Variants in FAAP100 observed in about 807,000 individuals in gnomAD.
FAAP100 encodes FA core complex associated protein 100, also known as Fanconi anemia core complex-associated protein 100.
Under a neutral mutation model 65.8 loss-of-function variants are expected in FAAP100, and 46 were observed. That is an observed-to-expected ratio of 0.70 (90% CI 0.55 to 0.89). FAAP100 has a LOEUF of 0.89. FAAP100 is among the 40% of genes least tolerant of loss of function. The probability of loss-of-function intolerance (pLI) is 0.00; values close to 1 mark genes in which losing one functional copy is unlikely to be tolerated. For synonymous variants in FAAP100, 663 were observed against 555.1 expected (o/e 1.19, Z -2.73); for missense variants, 1,165 against 1,196.7 (o/e 0.97, Z 0.39).
intron 7 of FAAP100, among the ~76,000 whole-genome samples, chr17:81,542,975 G>C (rs1457702687): frequency 6.6e-6 from 1 of 152,214 alleles, no homozygotes; most frequent in African/African-American, 2.4e-5. Context: ...CCAAGCCCAG[G>C]CAGCCCCATC....
At position 81,550,784 on chromosome 17, in the gene FAAP100, T is replaced by C. The variant is rs2033461997; in HGVS notation, c.710A>G (p.Gln237Arg). The C allele has an allele frequency of 4.3e-6, 7 of 1,612,742 alleles. No homozygotes were observed. The highest frequency in any genetic ancestry group is 5.9e-6 in the Non-Finnish European group (7 of 1,179,868). Residue 237 changes from glutamine (Q) to arginine (R), a missense_variant, in exon 3 of 9, where the codon CAG (glutamine) becomes CGG (arginine). Physicochemically the swap from Gln to Arg is conservative, Grantham distance 43 (BLOSUM62 1). Transcript: ENST00000327787. Reference sequence around the variant, plus strand: ...GAGACCACAGAGGACCACAGGTGACTGCAGGAGGGTGGCATCAGCTCCAAA... The same window carrying C: ...GAGACCACAGAGGACCACAGGTGACCGCAGGAGGGTGGCATCAGCTCCAAA... Reference protein sequence around the residue: ...LLFGADATLLQSPVVLCGLPD... With the variant: ...LLFGADATLLRSPVVLCGLPD...
chr17:81,551,937 C>A lies in FAAP100; in HGVS notation c.281G>T (p.Gly94Val). The stretch of plus-strand genomic sequence containing the variant: ...GCGGGCCCGCCCTCACCTGCTCCTG[C>A]CCGGGTGGTCCAGCGACAGGCAGTA... Reference protein sequence around the residue: ...GLYCLSLDHPGRSRSTSQDDR... With the variant: ...GLYCLSLDHPVRSRSTSQDDR... Residue 94 changes from glycine to valine, a missense_variant, in exon 2 of 9, where the codon GGC becomes GTC. Physicochemically the swap from Gly to Val is moderately radical, Grantham distance 109 (BLOSUM62 -3). Transcript: ENST00000327787. 1 of 1,557,252 alleles carries A rather than the reference C, an allele frequency of 6.4e-7. No individual in the cohort carries two copies. Among genetic ancestry groups the A allele is most frequent in the African/African-American group, 1.4e-5 (1 of 71,950 alleles).
chr17:81,551,845 C>T (rs931187466), intron 2 of FAAP100, 83 bp downstream of exon 2: 4 of 1,407,830 alleles, frequency 2.8e-6, no homozygotes, highest in Non-Finnish European at 2.8e-6. Context: ...GGTCCCCAAG[C>T]GCGATGAGGT....
In FAAP100 at chr17:81,544,538, C is replaced by G. The variant is rs1191966628; in HGVS notation, c.2311-418G>C. On this transcript the variant is annotated intron_variant, in intron 6 of 8. Coordinates refer to ENST00000327787, the MANE Select transcript of FAAP100 (RefSeq NM_025161.6). ...CCACACCAGGCATCACAGATCACCTCTGGCAGCAGGGTTAGGGCATCGCTG... is the reference window on the plus strand; with the variant it reads ...CCACACCAGGCATCACAGATCACCTGTGGCAGCAGGGTTAGGGCATCGCTG... 4.6e-5 allele frequency among the ~76,000 whole-genome samples: 7 copies of G among 152,218 alleles called. No individual in the cohort carries two copies. The East Asian group carries it at 1.2e-3, about 25-fold the overall frequency.
At chr17:81,543,769 G>A (rs764627221) in intron 7 of FAAP100, among the ~76,000 whole-genome samples, 3 of 152,172 alleles carry the variant, frequency 2.0e-5, no homozygotes, top group Non-Finnish European at 2.9e-5. Flanking sequence ...TGCCCAGGGG[G>A]TGACGGCACA....
intron 5 of FAAP100, 37 bp downstream of exon 5, chr17:81,546,871 AT>A (rs1555674012): frequency 1.5e-6 from 2 of 1,335,156 alleles, no homozygotes; most frequent in Non-Finnish European, 1.9e-6. Flanking sequence ...AAAAAAAAAA[AT>A]CCCCAAGGCT....
At chr17:81,542,415 G>A (rs571436374) in intron 7 of FAAP100, among the ~76,000 whole-genome samples, 79 of 152,024 alleles carry the variant, frequency 5.2e-4, no homozygotes, top group Non-Finnish European at 6.3e-4. Flanking sequence ...ATTTCCAGAT[G>A]AGCCTGGGCA....
chr17:81,552,369 C>T (rs2033530478), upstream of FAAP100: 8 of 1,309,354 alleles, frequency 6.1e-6, no homozygotes, highest in Non-Finnish European at 7.7e-6. Flanking sequence ...GCCCCGGCCG[C>T]GCGGCGGCGG....
rs760688271 is a variant in FAAP100, at chr17:81,550,828, G to A, written c.666C>T (p.Asp222=). ...LGGSGGFTLE[D]ALFGLLFGAD... The stretch of plus-strand genomic sequence containing the variant: ...CTCCAAAGAGGAGCCCGAAGAGGGC[G>A]TCCTCCAGCGTGAAGCCCCCGGAGC... Residue 222 remains aspartate, a synonymous_variant, in exon 3 of 9, where the codon GAC becomes GAT. Coordinates refer to ENST00000327787, the MANE Select transcript of FAAP100 (RefSeq NM_025161.6). 13 of 1,612,040 alleles carry A rather than the reference G, an allele frequency of 8.1e-6. No individual in the cohort carries two copies. In the East Asian group the frequency reaches 8.9e-5, roughly 11 times the overall value.
Position 81,540,647 on chromosome 17 carries a change from T to C in FAAP100, c.*172A>G. The C allele has an allele frequency of 6.7e-6, 6 of 894,816 alleles. No homozygotes were observed. Among genetic ancestry groups the C allele is most frequent in the Non-Finnish European group, 4.7e-6 (3 of 641,476 alleles). 55.4% of individuals were successfully genotyped at this position (894,816 alleles called of 1,614,324 possible). On this transcript the variant is annotated 3_prime_UTR_variant, in exon 9 of 9. Coordinates refer to ENST00000327787, the MANE Select transcript of FAAP100 (RefSeq NM_025161.6). Reference sequence around the variant, plus strand: ...TTGCTCCCAATCAGAATCTGCTTTGTGCTCCACGGCCTCCAAGCACTTTCA... The same window carrying C: ...TTGCTCCCAATCAGAATCTGCTTTGCGCTCCACGGCCTCCAAGCACTTTCA...
rs1248125214 is a variant in FAAP100, at chr17:81,550,661, A to G, written c.833T>C (p.Leu278Pro). ...PNALVKILHH[L>P]EEPVIFIGAL... The stretch of plus-strand genomic sequence containing the variant: ...CCCTATGAAGATGACGGGCTCCTCC[A>G]GGTGATGGAGGATCTTGACAAGGGC... Residue 278 changes from leucine (L) to proline (P), a missense_variant, in exon 3 of 9, where the codon CTG (leucine) becomes CCG (proline). By Grantham distance (98) the Leu-to-Pro change is moderately conservative. Coordinates refer to ENST00000327787, the MANE Select transcript of FAAP100 (RefSeq NM_025161.6). 3 of 1,612,938 alleles carry G rather than the reference A, an allele frequency of 1.9e-6. No individual in the cohort carries two copies. The highest frequency in any genetic ancestry group is 2.5e-6 in the Non-Finnish European group (3 of 1,180,014).
chr17:81,551,810 A>G, intron 2 of FAAP100, 118 bp downstream of exon 2: 1 of 1,382,472 alleles, frequency 7.2e-7, no homozygotes, highest in Non-Finnish European at 9.3e-7. Flanking sequence ...ATGGCGGCCG[A>G]GGCTTCAGAG....
Position 81,540,438 on chromosome 17 carries a change from T to C in FAAP100, c.*381A>G, listed in dbSNP as rs2033041743. The C allele has an allele frequency of 4.9e-6, 2 of 404,594 alleles. No individual in the cohort carries two copies. Among genetic ancestry groups the C allele is most frequent in the Admixed American group, 4.2e-5 (1 of 24,016 alleles). 25.1% of individuals were successfully genotyped at this position (404,594 alleles called of 1,614,324 possible). On this transcript the variant is annotated 3_prime_UTR_variant, in exon 9 of 9. Coordinates refer to ENST00000327787, the MANE Select transcript of FAAP100 (RefSeq NM_025161.6). Reference sequence around the variant, plus strand: ...CCAAGTCCAAACCCCAGAAATCCTGTTTCTCTGGCCCTCCGGGTCCAGAAT... The same window carrying C: ...CCAAGTCCAAACCCCAGAAATCCTGCTTCTCTGGCCCTCCGGGTCCAGAAT...
chr17:81,551,314 C>A, intron 2 of FAAP100, 111 bp from the exon 3 acceptor site: 1 of 1,090,480 alleles, frequency 9.2e-7, no homozygotes, highest in South Asian at 1.8e-5. Context: ...GCAGTGACCC[C>A]CAAGGCCGCT....
At chr17:81,542,383 TCAAA>T (rs111896480) in intron 7 of FAAP100, among the ~76,000 whole-genome samples, 3,130 of 151,474 alleles carry the variant, frequency 0.021, 107 homozygotes, top group African/African-American at 0.071. Flanking sequence ...GAGCTCTATC[TCAAA>T]CAAACAAATA....
chr17:81,542,231 A>G (rs149183026), intron 7 of FAAP100, among the ~76,000 whole-genome samples: 1 of 78,292 alleles, frequency 1.3e-5, no homozygotes, highest in Non-Finnish European at 2.2e-5. Flanking sequence ...ATATATATAT[A>G]TATGAAATCA....
chr17:81,546,855 T>TAAA lies in FAAP100; in HGVS notation c.2173+51_2173+53dup, dbSNP rs369579337. On this transcript the variant is annotated intron_variant, in intron 5 of 8. Coordinates refer to ENST00000327787, the MANE Select transcript of FAAP100 (RefSeq NM_025161.6). ...GGCAACAGAGCAAGTTCCTGTCTCT[T>TAAA]AAAAAAAAAAAAAAAATCCCCAAGG... The TAAA allele has an allele frequency of 9.9e-6, 12 of 1,212,428 alleles. No individual in the cohort carries two copies. The African/African-American group carries it at 1.8e-4, about 18-fold the overall frequency. The allele number at this position is 1,212,428 out of a possible 1,614,324, so 75.1% of individuals were successfully genotyped here. A position where few individuals can be genotyped will look rare whatever the true frequency, so the allele number is the denominator to read the frequency against.
At chr17:81,544,207 G>T (rs2033215681) in intron 6 of FAAP100, 87 bp from the exon 7 acceptor site, 2 of 1,120,652 alleles carry the variant, frequency 1.8e-6, no homozygotes, top group Non-Finnish European at 2.7e-6. Flanking sequence ...TCCCCAGCTG[G>T]CAGCACGTGA....
rs1205466405 is a variant in FAAP100 at position 81,544,080 on chromosome 17, G to T, written c.2351C>A (p.Ala784Asp). The change falls in exon 7 of 9, where the codon GCC becomes GAC. Residue 784 changes from alanine to aspartate, a missense_variant. Transcript: ENST00000327787. Reference protein sequence around the residue: ...TDLCPAGPIQAVEIQVESSSL... With the variant: ...TDLCPAGPIQDVEIQVESSSL... ...GGAGCTTTCCACTTGAATCTCCACG[G>T]CCTGGATGGGCCCTGCTGGGCACAG... The T allele has an allele frequency of 1.2e-6, 2 of 1,612,622 alleles. No homozygotes were observed.
Sources: allele counts gnomAD v4.1 joint callset (sites outside exome capture counted in the v4.1 genomes callset), GRCh38; gene constraint gnomAD v4.1.1; transcripts MANE v1.5; gene names NCBI Gene and HGNC (gene_info 2026-07-23, HGNC 2026-07-21).